SRPK1: variants seen among roughly 807,000 people sequenced by gnomAD.
SRPK1 encodes the protein SRSF protein kinase 1.
SRPK1 carries 52 observed loss-of-function variants against 89.5 expected under a neutral mutation model. The ratio of observed to expected loss-of-function variants is 0.58; its 90% CI spans 0.46 to 0.73. The LOEUF (loss-of-function observed/expected upper bound fraction) is 0.73. Ranked by LOEUF, SRPK1 falls within the 30% of genes least tolerant of loss-of-function variation. The pLI is 0.00. For synonymous variants in SRPK1, 255 were observed against 270.2 expected (o/e 0.94, Z 0.55); for missense variants, 603 against 780.6 (o/e 0.77, Z 2.71).
In SRPK1 at chr6:35,869,617, C is replaced by A; in HGVS notation, c.1276G>T (p.Val426Leu). The A allele has an allele frequency of 5.0e-6, 8 of 1,613,948 alleles. No individual in the cohort carries two copies. The highest frequency in any genetic ancestry group is 1.1e-5 in the South Asian group (1 of 91,078). The change falls in exon 11 of 16, where the codon GTG (valine) becomes TTG (leucine). Residue 426 changes from valine (V) to leucine (L), a missense_variant. By Grantham distance (32) the Val-to-Leu change is conservative. Coordinates refer to ENST00000373825, the MANE Select transcript of SRPK1 (RefSeq NM_003137.5). Reference protein sequence around the residue: ...PITSEVSDTMVCQSSSTVGQS... With the variant: ...PITSEVSDTMLCQSSSTVGQS... ...CCTACAGTTGAGGAAGACTGGCACACCATGGTGTCTGACACCTCAGATGTT... is the reference window on the plus strand; with the variant it reads ...CCTACAGTTGAGGAAGACTGGCACAACATGGTGTCTGACACCTCAGATGTT...
intron 2 of SRPK1, among the ~76,000 whole-genome samples, chr6:35,901,750 A>C (rs1162176228): frequency 6.6e-6 from 1 of 152,114 alleles, no homozygotes; most frequent in African/African-American, 2.4e-5. Flanking sequence ...TAAATGCTAA[A>C]TTTCTCCCAC....
chr6:35,905,315 G>A lies in SRPK1; in HGVS notation c.75-14302C>T, dbSNP rs1770828785. Among the ~76,000 whole-genome samples, 6 of 152,082 alleles carry A rather than the reference G, an allele frequency of 3.9e-5. 1 individual carries two copies. The highest frequency in any genetic ancestry group is 3.3e-4 in the Admixed American group (5 of 15,266). On this transcript the variant is annotated intron_variant, in intron 2 of 15. Transcript: ENST00000373825. ...AAACCTTTTCTTCTTTAGATATAAAGGAGGAGGCACACTTCACACACTCTA... is the reference window on the plus strand; with the variant it reads ...AAACCTTTTCTTCTTTAGATATAAAAGAGGAGGCACACTTCACACACTCTA...
chr6:35,883,504 CTTA>C (rs991457037), intron 6 of SRPK1, among the ~76,000 whole-genome samples: 4 of 152,208 alleles, frequency 2.6e-5, no homozygotes, highest in East Asian at 1.9e-4. Context: ...AAGCTATTCT[CTTA>C]TGTTTCTAGC....
chr6:35,859,064 C>T (rs1187912123), intron 12 of SRPK1, among the ~76,000 whole-genome samples: 2 of 152,108 alleles, frequency 1.3e-5, no homozygotes, highest in Non-Finnish European at 1.5e-5. Flanking sequence ...GGAAAAGGAA[C>T]CATAATATAT....
intron 6 of SRPK1, among the ~76,000 whole-genome samples, chr6:35,879,350 C>T (rs1770226606): frequency 6.6e-6 from 1 of 151,900 alleles, no homozygotes; most frequent in Admixed American, 6.6e-5. Context: ...GGGTTGAGAC[C>T]AGCCTGGGCA....
At chr6:35,881,394 GTATGAT>G (rs2127253427) in intron 6 of SRPK1, among the ~76,000 whole-genome samples, 1 of 151,968 alleles carries the variant, frequency 6.6e-6, no homozygotes, top group East Asian at 1.9e-4. Context: ...CTAAAAGCTA[GTATGAT>G]TATAACTTTG....
intron 8 of SRPK1, among the ~76,000 whole-genome samples, chr6:35,871,386 A>G (rs1770033088): frequency 6.6e-6 from 1 of 152,248 alleles, no homozygotes; most frequent in African/African-American, 2.4e-5. Context: ...AGTGTAGCTT[A>G]GCTGGAAGGT....
At chr6:35,875,400 C>G (rs1038044279) in intron 6 of SRPK1, among the ~76,000 whole-genome samples, 4 of 151,906 alleles carry the variant, frequency 2.6e-5, no homozygotes, top group African/African-American at 4.8e-5. Flanking sequence ...ATTTTTAGTA[C>G]AGATGGGGTT....
chr6:35,894,875 G>GT (rs1770597455), intron 2 of SRPK1, among the ~76,000 whole-genome samples: 2 of 152,078 alleles, frequency 1.3e-5, no homozygotes, highest in Non-Finnish European at 2.9e-5. Flanking sequence ...AAACAAAGCA[G>GT]TAAAACTGAG....
chr6:35,888,998 C>T, intron 3 of SRPK1, 75 bp from the exon 4 acceptor site: 1 of 965,578 alleles, frequency 1.0e-6, no homozygotes, highest in Non-Finnish European at 1.7e-6. Flanking sequence ...TTTTTAACAT[C>T]ACATTTTTCA....
At chr6:35,911,941 G>A (rs997896360) in intron 2 of SRPK1, among the ~76,000 whole-genome samples, 2 of 151,934 alleles carry the variant, frequency 1.3e-5, no homozygotes, top group East Asian at 1.9e-4. Context: ...TTTGGGTAAG[G>A]GAGGGTCAAT....
At position 35,834,797 on chromosome 6, in the gene SRPK1, C is replaced by CA. The variant is rs1302985604; in HGVS notation, c.*506dup. ...AAAGTTGCAGGAAAAAATGTGAACA[C>CA]AGAGAACAACAGAAACAGTCCAGGA... On this transcript the variant is annotated 3_prime_UTR_variant, in exon 16 of 16. Coordinates refer to ENST00000373825, the MANE Select transcript of SRPK1 (RefSeq NM_003137.5). 2 of 152,164 alleles carry CA rather than the reference C, an allele frequency of 1.3e-5. No individual in the cohort carries two copies. The highest frequency in any genetic ancestry group is 4.8e-5 in the African/African-American group (2 of 41,422). The allele number at this position is 152,164 out of a possible 1,614,324, so 9.4% of individuals were successfully genotyped here.
intron 13 of SRPK1, among the ~76,000 whole-genome samples, chr6:35,856,546 T>C (rs974793725): frequency 6.6e-6 from 1 of 152,172 alleles, no homozygotes; most frequent in Non-Finnish European, 1.5e-5. Flanking sequence ...CAGAATTACA[T>C]TGTAAGCAAT....
Position 35,894,062 on chromosome 6 carries a change from G to T in SRPK1, c.75-3049C>A, listed in dbSNP as rs553598975. On this transcript the variant is annotated intron_variant, in intron 2 of 15. Coordinates refer to ENST00000373825, the MANE Select transcript of SRPK1 (RefSeq NM_003137.5). ...AGAAAAAGCCTTGCTAGGGACGTAG[G>T]GCTATCAATCAGGTCTCTAATGCCT... is the stretch of plus-strand genomic sequence containing the variant. Among the ~76,000 whole-genome samples the T allele has an allele frequency of 7.2e-4, 109 of 152,004 alleles. 1 individual carries two copies. Among genetic ancestry groups the T allele is most frequent in the African/African-American group, 2.4e-3 (98 of 41,440 alleles).
intron 2 of SRPK1, among the ~76,000 whole-genome samples, chr6:35,915,739 G>A (rs944355466): frequency 6.6e-5 from 10 of 152,000 alleles, no homozygotes; most frequent in African/African-American, 1.7e-4. Flanking sequence ...TTGGGAGGCC[G>A]AGGTGGGCGG....
intron 13 of SRPK1, among the ~76,000 whole-genome samples, chr6:35,856,593 A>AT (rs1328615442): frequency 6.6e-6 from 1 of 152,228 alleles, no homozygotes; most frequent in African/African-American, 2.4e-5. Context: ...CCAGACAGTT[A>AT]TACATAACAG....
intron 6 of SRPK1, among the ~76,000 whole-genome samples, chr6:35,876,069 G>C (rs1343294104): frequency 1.7e-5 from 2 of 114,512 alleles, no homozygotes; most frequent in African/African-American, 6.7e-5. Flanking sequence ...AAAACAACTA[G>C]CCTGGATTCT....
chr6:35,888,256 T>G, intron 4 of SRPK1, 145 bp from the exon 5 acceptor site: 1 of 479,932 alleles, frequency 2.1e-6, no homozygotes, highest in Non-Finnish European at 3.7e-6. Context: ...TGGGAACATT[T>G]ATACTTGTTA....
At chr6:35,850,350 T>C (rs1365125217) in intron 13 of SRPK1, among the ~76,000 whole-genome samples, 1 of 152,070 alleles carries the variant, frequency 6.6e-6, no homozygotes, top group African/African-American at 2.4e-5. Context: ...AGTCCTGGTG[T>C]TTAGTGCTCT....
Sources: allele counts gnomAD v4.1 joint callset (sites outside exome capture counted in the v4.1 genomes callset), GRCh38; gene constraint gnomAD v4.1.1; transcripts MANE v1.5; gene names NCBI Gene and HGNC (gene_info 2026-07-23, HGNC 2026-07-21).